SOX5: variants seen among roughly 807,000 people sequenced by gnomAD.
SOX5 encodes SRY-box transcription factor 5.
A neutral mutation model predicts 92.0 loss-of-function variants in SOX5; 9 were observed. That is an observed-to-expected ratio of 0.10 (90% confidence interval 0.06 to 0.17). SOX5 has a LOEUF of 0.17. Among genes scored for constraint, SOX5 ranks in the 10% least tolerant of loss-of-function variants. The probability of loss-of-function intolerance (pLI) is 1.00; values close to 1 mark genes in which losing one functional copy is unlikely to be tolerated. For synonymous variants in SOX5, 344 were observed against 336.3 expected (o/e 1.02, Z -0.25); for missense variants, 642 against 944.5 (o/e 0.68, Z 4.20).
intron 1 of SOX5, among the ~76,000 whole-genome samples, chr12:24,469,000 TA>T (rs1349887824): frequency 3.3e-5 from 5 of 152,192 alleles, no homozygotes; most frequent in Admixed American, 3.3e-4. Context: ...TGGCGCACTT[TA>T]TTTCCACTAT....
At chr12:24,102,186 T>C (rs542528940) in intron 4 of SOX5, among the ~76,000 whole-genome samples, 1 of 152,308 alleles carries the variant, frequency 6.6e-6, no homozygotes, top group East Asian at 1.9e-4. Context: ...GCATGTTATT[T>C]ATCTCTTGTT....
intron 6 of SOX5, among the ~76,000 whole-genome samples, chr12:23,726,285 A>G (rs1230290360): frequency 1.3e-5 from 2 of 152,188 alleles, no homozygotes; most frequent in African/African-American, 4.8e-5. Context: ...CATATGTTAG[A>G]GATGTCTGGA....
chr12:24,562,233 G>A (rs1338177509), intron 1 of SOX5: 2 of 152,446 alleles, frequency 1.3e-5, no homozygotes, highest in African/African-American at 2.4e-5. Context: ...GTGCTGAGTG[G>A]CGGGCCCGGC....
At chr12:23,796,628 T>C (rs1220904765) in intron 3 of SOX5, among the ~76,000 whole-genome samples, 1 of 151,902 alleles carries the variant, frequency 6.6e-6, no homozygotes, top group Non-Finnish European at 1.5e-5. Flanking sequence ...TCAAACTGTG[T>C]TTAGCTTCTA....
intron 1 of SOX5, among the ~76,000 whole-genome samples, chr12:24,547,202 T>G (rs1597822204): frequency 1.0e-5 from 1 of 98,186 alleles, no homozygotes; most frequent in African/African-American, 3.1e-5. Context: ...TTTTTTTTTT[T>G]GAGACGGAGT....
rs75802801 is a variant in SOX5 at position 24,017,951 on chromosome 12, C to T, written c.-1-121927G>A. Among the ~76,000 whole-genome samples, 1,368 of 152,300 alleles carry T rather than the reference C, an allele frequency of 9.0e-3. 25 individuals carry two copies. The highest frequency in any genetic ancestry group is 0.032 in the African/African-American group (1,322 of 41,564). ...TTCCCCCGTTTGAGGTTAACCCCCA[C>T]TAATGATTAGGATCCACTCTGCTCC... is the stretch of plus-strand genomic sequence containing the variant. On this transcript the variant is annotated intron_variant, in intron 4 of 4. Coordinates refer to the SOX5 transcript ENST00000446891.
chr12:24,125,473 G>A lies in SOX5; in HGVS notation c.-2+87870C>T, dbSNP rs536330411. ...GACATCTGTGGTAATACATTGCTAA[G>A]ATATTGCATCAAGCATGAAATAACA... is the stretch of plus-strand genomic sequence containing the variant. On this transcript the variant is annotated intron_variant, in intron 4 of 4. Transcript: ENST00000446891. Among the ~76,000 whole-genome samples the A allele has an allele frequency of 1.5e-3, 236 of 152,280 alleles. No homozygotes were observed. In the Middle Eastern group the frequency reaches 0.037, roughly 24 times the overall value.
intron 1 of SOX5, among the ~76,000 whole-genome samples, chr12:24,430,642 A>AT (rs542091333): frequency 2.6e-5 from 4 of 151,286 alleles, no homozygotes; most frequent in Admixed American, 6.6e-5. Context: ...TCATTTTCTA[A>AT]TTTTTTTTTC....
At chr12:23,940,540 T>C (rs1227315974) in intron 1 of SOX5, among the ~76,000 whole-genome samples, 1 of 151,244 alleles carries the variant, frequency 6.6e-6, no homozygotes, top group Non-Finnish European at 1.5e-5. Context: ...AAATTATCCA[T>C]CCTATCTTCT....
Position 24,265,802 on chromosome 12 carries a change from TA to T in SOX5, c.-77+11413del, listed in dbSNP as rs574405908. ...ACTCATTCAACCAATATTTCTTGAA[TA>T]TTTCCTATGACTCTGGTGTGGTTTC... is the stretch of plus-strand genomic sequence containing the variant. On this transcript the variant is annotated intron_variant, in intron 3 of 4. Coordinates refer to the SOX5 transcript ENST00000446891. Among the ~76,000 whole-genome samples, 273 of 152,316 alleles carry T rather than the reference TA, an allele frequency of 1.8e-3. 3 individuals are homozygous for T. Among genetic ancestry groups the T allele is most frequent in the African/African-American group, 5.9e-3 (246 of 41,584 alleles).
chr12:24,150,447 A>T (rs1235505011), intron 4 of SOX5, among the ~76,000 whole-genome samples: 1 of 152,148 alleles, frequency 6.6e-6, no homozygotes, highest in Non-Finnish European at 1.5e-5. Context: ...TGGTGAGTGA[A>T]AAGTTGTAAT....
intron 4 of SOX5, among the ~76,000 whole-genome samples, chr12:24,172,078 CGT>C (rs140419339): frequency 5.3e-4 from 73 of 139,044 alleles, no homozygotes; most frequent in Middle Eastern, 3.8e-3. Flanking sequence ...ACTGTGTGTG[CGT>C]GTGTGTGTGT....
chr12:23,621,175 G>A (rs2077131203), intron 8 of SOX5, among the ~76,000 whole-genome samples: 1 of 152,008 alleles, frequency 6.6e-6, no homozygotes, highest in African/African-American at 2.4e-5. Context: ...CAACAACATG[G>A]ATGAACCTTG....
chr12:24,534,242 T>C (rs1057165160), intron 1 of SOX5, among the ~76,000 whole-genome samples: 7 of 151,924 alleles, frequency 4.6e-5, no homozygotes, highest in Admixed American at 3.9e-4. Flanking sequence ...GAGGGTTTCA[T>C]GTTATTTCTT....
chr12:24,262,843 A>C (rs577613774), intron 3 of SOX5, among the ~76,000 whole-genome samples: 1 of 152,288 alleles, frequency 6.6e-6, no homozygotes, highest in South Asian at 2.1e-4. Flanking sequence ...ACTAGAGAGG[A>C]TAGGTAGTAG....
At position 24,134,112 on chromosome 12, in the gene SOX5, G is replaced by T. The variant is rs181713419; in HGVS notation, c.-2+79231C>A. 4.6e-5 allele frequency among the ~76,000 whole-genome samples: 7 copies of T among 152,174 alleles called. No homozygotes were observed. The East Asian group carries it at 1.4e-3, about 29-fold the overall frequency. ...CTTCTAAACATTCTGGTTGCAGACAGGTTGATAAATGCAGGTGAAGAAACA... is the reference window on the plus strand; with the variant it reads ...CTTCTAAACATTCTGGTTGCAGACATGTTGATAAATGCAGGTGAAGAAACA... On this transcript the variant is annotated intron_variant, in intron 4 of 4. Coordinates refer to the SOX5 transcript ENST00000446891.
intron 4 of SOX5, among the ~76,000 whole-genome samples, chr12:24,063,880 T>C (rs770289266): frequency 6.6e-6 from 1 of 152,170 alleles, no homozygotes; most frequent in Non-Finnish European, 1.5e-5. Context: ...ATGACATATA[T>C]GTCTAATAAA....
At chr12:23,712,835 C>G (rs191299368) in intron 6 of SOX5, among the ~76,000 whole-genome samples, 1 of 152,218 alleles carries the variant, frequency 6.6e-6, no homozygotes, top group African/African-American at 2.4e-5. Flanking sequence ...AAGCCATACA[C>G]TCATCCTTCT....
chr12:24,255,621 G>A (rs574277009), intron 3 of SOX5, among the ~76,000 whole-genome samples: 71 of 152,252 alleles, frequency 4.7e-4, no homozygotes, highest in Non-Finnish European at 8.8e-4. Flanking sequence ...AATTAGGTAG[G>A]TGGAATGTAA....
Sources: allele counts gnomAD v4.1 joint callset (sites outside exome capture counted in the v4.1 genomes callset), GRCh38; gene constraint gnomAD v4.1.1; transcripts MANE v1.5; gene names NCBI Gene and HGNC (gene_info 2026-07-23, HGNC 2026-07-21).